Variants in INPP5D observed in about 807,000 individuals in gnomAD.
The protein encoded by INPP5D is phosphatidylinositol 3,4,5-trisphosphate 5-phosphatase 1.
Under a neutral mutation model 122.9 loss-of-function variants are expected in INPP5D, and 33 were observed. The observed-to-expected ratio is 0.27, with a 90% CI of 0.20 to 0.36. The LOEUF (loss-of-function observed/expected upper bound fraction) is 0.36, where lower values mean the gene tolerates loss of function less well. Among genes scored for constraint, INPP5D ranks in the 10% least tolerant of loss-of-function variants. The pLI is 1.00. For missense variants in INPP5D, 1,053 were observed against 1,412.7 expected, an observed-to-expected ratio of 0.75 and a Z score of 4.08; for synonymous variants, 584 against 576.2, an observed-to-expected ratio of 1.01 and a Z score of -0.19.
chr2:233,136,762 C>T lies in INPP5D; in HGVS notation c.666-3080C>T, dbSNP rs570770735. Among the ~76,000 whole-genome samples the T allele has an allele frequency of 3.9e-5, 6 of 152,014 alleles. No homozygotes were observed. In the East Asian group the frequency reaches 7.7e-4, roughly 20 times the overall value. On this transcript the variant is annotated intron_variant, in intron 5 of 26. Transcript: ENST00000445964. ...GCAATAACAACAGCCAGAAAGGAGA[C>T]GAGGAGGACAAGATGGTAAAAATAA...
In INPP5D at chr2:233,146,422, C is replaced by T; in HGVS notation, c.890C>T (p.Pro297Leu). 1 of 704,290 alleles carries T rather than the reference C, an allele frequency of 1.4e-6. No individual in the cohort carries two copies. Among genetic ancestry groups the T allele is most frequent in the Non-Finnish European group, 2.6e-6 (1 of 385,010 alleles). 43.6% of individuals were successfully genotyped at this position (704,290 alleles called of 1,614,324 possible). Residue 297 changes from proline (P) to leucine (L), a missense_variant, in exon 8 of 27, where the codon CCT (proline) becomes CTT (leucine). Pro to Leu is a moderately conservative substitution (Grantham distance 98, BLOSUM62 -3). Around this residue, in one of 6 missense-constraint regions of INPP5D, gnomAD observed 196 missense variants for 175.6 expected, o/e 1.12. Coordinates refer to ENST00000445964, the MANE Select transcript of INPP5D (RefSeq NM_001017915.3). ...TCTCCGCACCGGCCCTCCCTTATCC[C>T]TCCAGTCACCTTTGAGGTAAGTGGC... is the stretch of plus-strand genomic sequence containing the variant. ...PESPHRPSLI[P>L]PVTFEVKAES... is the part of the protein sequence containing the mutation.
chr2:233,127,638 T>C lies in INPP5D; in HGVS notation c.524+1719T>C, dbSNP rs189160359. Among the ~76,000 whole-genome samples, 1,427 of 152,348 alleles carry C rather than the reference T, an allele frequency of 9.4e-3. 8 individuals carry two copies. Among genetic ancestry groups the C allele is most frequent in the African/African-American group, 0.013 (547 of 41,584 alleles). ...AACTTTTATTTTTGAGACGGAGTTT[T>C]GCTCTTGTTGCCCAGGCTGGAGTGC... On this transcript the variant is annotated intron_variant, in intron 4 of 26. Coordinates refer to ENST00000445964, the MANE Select transcript of INPP5D (RefSeq NM_001017915.3).
In INPP5D at chr2:233,170,460, C is replaced by A; in HGVS notation, c.1792-36C>A. ...GCTTGTCAGGCCTGGATCAGCAGGG[C>A]TTCTCACCAGAGGCCCGGGCATGTT... On this transcript the variant is annotated intron_variant, in intron 15 of 26. Coordinates refer to ENST00000445964, the MANE Select transcript of INPP5D (RefSeq NM_001017915.3). This position sits in a 1 kb window ranked among gnomAD's most constrained non-coding sequence, Gnocchi z 4.5. The A allele has an allele frequency of 6.2e-7, 1 of 1,613,064 alleles. No homozygotes were observed. Among genetic ancestry groups the A allele is most frequent in the South Asian group, 1.1e-5 (1 of 90,910 alleles).
At chr2:233,065,225 G>A (rs1691178715) in intron 1 of INPP5D, among the ~76,000 whole-genome samples, 1 of 152,046 alleles carries the variant, frequency 6.6e-6, no homozygotes, top group Non-Finnish European at 1.5e-5. Context: ...CCAGAGATTA[G>A]GCTCCAGCTT....
intron 2 of INPP5D, among the ~76,000 whole-genome samples, chr2:233,089,148 C>G (rs907282217): frequency 2.6e-5 from 4 of 152,030 alleles, no homozygotes; most frequent in African/African-American, 9.7e-5. Context: ...GCCTGGGGTC[C>G]CAACCAGGTG....
intron 6 of INPP5D, chr2:233,145,841 C>A: frequency 2.0e-6 from 1 of 504,206 alleles, no homozygotes; most frequent in Non-Finnish European, 3.8e-6. Flanking sequence ...CACCATGCAG[C>A]AGGTGTAGGA....
At chr2:233,176,315 C>T (rs898382054) in intron 17 of INPP5D, among the ~76,000 whole-genome samples, 9 of 20,644 alleles carry the variant, frequency 4.4e-4, no homozygotes, top group Admixed American at 1.4e-3. Context: ...TGGATGGGTG[C>T]GATGGATGGA....
At chr2:233,083,549 A>C (rs1202743179) in intron 2 of INPP5D, among the ~76,000 whole-genome samples, 1 of 152,172 alleles carries the variant, frequency 6.6e-6, no homozygotes, top group African/African-American at 2.4e-5. Flanking sequence ...TGACTGTCCC[A>C]CACCAAGAGA....
At chr2:233,084,194 C>T (rs905242947) in intron 2 of INPP5D, among the ~76,000 whole-genome samples, 8 of 152,210 alleles carry the variant, frequency 5.3e-5, no homozygotes, top group African/African-American at 1.9e-4. Flanking sequence ...GCTGAGATTA[C>T]AGGTGTGCAC....
chr2:233,105,265 G>A lies in INPP5D; in HGVS notation c.199-16842G>A, dbSNP rs889711845. Among the ~76,000 whole-genome samples the A allele has an allele frequency of 1.3e-5, 2 of 152,206 alleles. No homozygotes were observed. Among genetic ancestry groups the A allele is most frequent in the Non-Finnish European group, 2.9e-5 (2 of 68,028 alleles). On this transcript the variant is annotated intron_variant, in intron 2 of 26. Coordinates refer to ENST00000445964, the MANE Select transcript of INPP5D (RefSeq NM_001017915.3). This position sits in a 1 kb window ranked among gnomAD's most constrained non-coding sequence, Gnocchi z 4.0. ...AGGACAGCAGCTGCGCTCTCTGTAA[G>A]AACCTGGCTATGGTTGGAAACCGTC...
intron 18 of INPP5D, among the ~76,000 whole-genome samples, chr2:233,181,754 G>A (rs1168735698): frequency 2.0e-5 from 3 of 152,174 alleles, no homozygotes; most frequent in African/African-American, 7.2e-5. Context: ...CCGATGAGCT[G>A]AGTGGCCTTA....
intron 22 of INPP5D, among the ~76,000 whole-genome samples, chr2:233,193,607 A>AT (rs1166974464): frequency 2.0e-5 from 3 of 151,968 alleles, no homozygotes; most frequent in Non-Finnish European, 4.4e-5. Flanking sequence ...CTACAATATA[A>AT]TTTTTTTTAC....
intron 17 of INPP5D, among the ~76,000 whole-genome samples, chr2:233,176,675 ATGAGTGGATGAATAGGTGGATGGG>A: frequency 9.0e-6 from 1 of 111,136 alleles, no homozygotes; most frequent in Admixed American, 9.9e-5. Context: ...GGGTGGATGG[ATGAGTGGATGAATAGGTGGATGGG>A]TGGATGGATG....
In INPP5D at chr2:233,183,529, G is replaced by A. The variant is rs945438994; in HGVS notation, c.2162-879G>A. ...AGTCCTTAGGCAGGACCTCTTCCCC[G>A]ACTTCCACCCATCTCTCCTTTCTCT... On this transcript the variant is annotated intron_variant, in intron 19 of 26. Transcript: ENST00000445964. The surrounding 1 kb of genome is among the most constrained non-coding windows in gnomAD (Gnocchi z 4.6). 3.3e-5 allele frequency among the ~76,000 whole-genome samples: 5 copies of A among 152,100 alleles called. No individual in the cohort carries two copies. Among genetic ancestry groups the A allele is most frequent in the Non-Finnish European group, 5.9e-5 (4 of 67,996 alleles).
At position 233,188,631 on chromosome 2, in the gene INPP5D, G is replaced by T. The variant is rs749219228; in HGVS notation, c.2359-1219G>T. Among the ~76,000 whole-genome samples, 1 of 152,110 alleles carries T rather than the reference G, an allele frequency of 6.6e-6. No individual in the cohort carries two copies. The highest frequency in any genetic ancestry group is 1.5e-5 in the Non-Finnish European group (1 of 68,018). ...GGCTGGAGTGCAGTGGTGCCATCTC[G>T]GCTCACTGCAACCTCCGCCTCCAAG... On this transcript the variant is annotated intron_variant, in intron 21 of 26. Transcript: ENST00000445964. The surrounding 1 kb of genome is among the most constrained non-coding windows in gnomAD (Gnocchi z 4.7).
chr2:233,073,899 T>C (rs1053208468), intron 1 of INPP5D, among the ~76,000 whole-genome samples: 2 of 152,188 alleles, frequency 1.3e-5, no homozygotes, highest in African/African-American at 4.8e-5. Flanking sequence ...GTTTCCTTTA[T>C]CTCAGTTTGC....
At chr2:233,106,645 T>C (rs1692476809) in intron 2 of INPP5D, among the ~76,000 whole-genome samples, 1 of 152,158 alleles carries the variant, frequency 6.6e-6, no homozygotes, top group Non-Finnish European at 1.5e-5. Context: ...GCACCTAAGC[T>C]CTTGGAGAAA....
At chr2:233,122,068 T>G (rs755920764) in intron 2 of INPP5D, 39 bp from the exon 3 acceptor site, 1 of 1,607,686 alleles carries the variant, frequency 6.2e-7, no homozygotes, top group Non-Finnish European at 8.5e-7. Context: ...ACATTCTAGT[T>G]GGTTAACATG....
intron 5 of INPP5D, among the ~76,000 whole-genome samples, chr2:233,135,326 TC>T (rs1458444440): frequency 6.6e-6 from 1 of 152,002 alleles, no homozygotes; most frequent in Non-Finnish European, 1.5e-5. Context: ...CTCCGGAGTA[TC>T]TGTGATTACA....
Sources: allele counts gnomAD v4.1 joint callset (sites outside exome capture counted in the v4.1 genomes callset), GRCh38; gene constraint gnomAD v4.1.1; regional missense constraint gnomAD v4.1.1; non-coding constraint Gnocchi (gnomAD v3.1); transcripts MANE v1.5; gene names NCBI Gene and HGNC (gene_info 2026-07-23, HGNC 2026-07-21).